COL4A3: variants seen among roughly 807,000 people sequenced by gnomAD.
The protein encoded by COL4A3 is collagen type IV alpha 3 chain.
Under a neutral mutation model 217.4 loss-of-function variants are expected in COL4A3, and 135 were observed. The ratio of observed to expected loss-of-function variants is 0.62; its 90% CI spans 0.54 to 0.72. The LOEUF (loss-of-function observed/expected upper bound fraction) is 0.72, where lower values mean the gene tolerates loss of function less well. COL4A3 is among the 30% of genes least tolerant of loss of function. The pLI is 0.00. For synonymous variants in COL4A3, 690 were observed against 736.3 expected (o/e 0.94, Z 1.02); for missense variants, 1,868 against 2,119.9 (o/e 0.88, Z 2.33).
intron 1 of COL4A3, among the ~76,000 whole-genome samples, chr2:227,202,917 A>G (rs1441576092): frequency 1.0e-4 from 2 of 19,482 alleles, no homozygotes; most frequent in African/African-American, 5.9e-4. Context: ...GTATATATAC[A>G]TATATGTGTA....
chr2:227,219,430 T>C (rs1438054300), intron 1 of COL4A3, among the ~76,000 whole-genome samples: 1 of 152,212 alleles, frequency 6.6e-6, no homozygotes, highest in Non-Finnish European at 1.5e-5. Context: ...GGGTGGGTTG[T>C]TTTTGCAGAG....
At position 227,290,793 on chromosome 2, in the gene COL4A3, A is replaced by T; in HGVS notation, c.3117A>T (p.Gly1039=). The T allele has an allele frequency of 1.9e-6, 3 of 1,613,762 alleles. No homozygotes were observed. The highest frequency in any genetic ancestry group is 2.5e-6 in the Non-Finnish European group (3 of 1,179,966). The part of the protein sequence containing the change: ...RGTLGFPGRA[G]RPGLPGIHGL... The stretch of plus-strand genomic sequence containing the variant: ...CTTTGGGATTCCCAGGTCGAGCAGG[A>T]AGACCAGGCCTCCCAGGTATTCATG... The change falls in exon 37 of 52, where the codon GGA becomes GGT. Residue 1039 remains glycine, a synonymous_variant. Transcript: ENST00000396578.
rs773760137 is a variant in COL4A3, at chr2:227,222,174, T to TAATAATAAA, written c.88-15789_88-15788insTAAAAATAA. On this transcript the variant is annotated intron_variant, in intron 1 of 51. Coordinates refer to ENST00000396578, the MANE Select transcript of COL4A3 (RefSeq NM_000091.5). ...ATAATAATAATAATAATGATAATGA[T>TAATAATAAA]AATAAAAAGCTCCTTAAGCACCCTT... 6.8e-3 allele frequency among the ~76,000 whole-genome samples: 769 copies of TAATAATAAA among 113,130 alleles called. 15 individuals are homozygous for TAATAATAAA. The highest frequency in any genetic ancestry group is 0.015 in the South Asian group (51 of 3,338). 74.2% of individuals were successfully genotyped at this position (113,130 alleles called of 152,430 possible).
chr2:227,289,965 T>A (rs763655022), intron 35 of COL4A3, 34 bp from the exon 36 acceptor site: 1 of 1,588,546 alleles, frequency 6.3e-7, no homozygotes, highest in Admixed American at 1.7e-5. Context: ...GTCCAGGAAC[T>A]GTGCAGGGCA....
intron 3 of COL4A3, among the ~76,000 whole-genome samples, chr2:227,243,859 T>C (rs1383191993): frequency 6.6e-6 from 1 of 152,214 alleles, no homozygotes; most frequent in Non-Finnish European, 1.5e-5. Context: ...GTGTTTCTTG[T>C]GCACAGAAAT....
intron 7 of COL4A3, among the ~76,000 whole-genome samples, chr2:227,247,342 G>A (rs1307574621): frequency 6.6e-6 from 1 of 152,158 alleles, no homozygotes; most frequent in Non-Finnish European, 1.5e-5. Context: ...AGGAATGGGT[G>A]GGAAATGAAC....
At chr2:227,301,695 G>T (rs188399869) in intron 43 of COL4A3, 2 of 152,356 alleles carry the variant, frequency 1.3e-5, no homozygotes, top group East Asian at 1.9e-4. Flanking sequence ...ACAGTTGAAA[G>T]ATATTTCTTG....
chr2:227,246,675 T>A lies in COL4A3; in HGVS notation c.388-10T>A. 1 of 1,607,950 alleles carries A rather than the reference T, an allele frequency of 6.2e-7. No individual in the cohort carries two copies. Among genetic ancestry groups the A allele is most frequent in the Non-Finnish European group, 8.5e-7 (1 of 1,174,650 alleles). On this transcript the variant is annotated splice_polypyrimidine_tract_variant and intron_variant, in intron 6 of 51. Coordinates refer to ENST00000396578, the MANE Select transcript of COL4A3 (RefSeq NM_000091.5). ...ACTAAGAATAATAAGAAACTTTGTA[T>A]GTCTTTTAGGGTGAGCAGGGGTTTC...
At chr2:227,207,205 A>G (rs1261002743) in intron 1 of COL4A3, among the ~76,000 whole-genome samples, 3 of 152,178 alleles carry the variant, frequency 2.0e-5, no homozygotes, top group African/African-American at 7.2e-5. Context: ...AAACTAAGAG[A>G]ACTTATCTGT....
In COL4A3 at chr2:227,256,544, A is replaced by C. The variant is rs191544169; in HGVS notation, c.987+148A>C. On this transcript the variant is annotated intron_variant, in intron 17 of 51. Transcript: ENST00000396578. ...TAGGTCTGTTAAGAAGAAAAGAGAG[A>C]TGTGGCAACTTTACTTAAACATTTG... is the stretch of plus-strand genomic sequence containing the variant. The C allele has an allele frequency of 3.3e-4, 263 of 794,364 alleles. 1 individual carries two copies. The East Asian group carries it at 6.1e-3, about 18-fold the overall frequency. The allele number at this position is 794,364 out of a possible 1,614,324, so 49.2% of individuals were successfully genotyped here. A position where few individuals can be genotyped will look rare whatever the true frequency, so the allele number is the denominator to read the frequency against.
intron 51 of COL4A3, 37 bp downstream of exon 51, chr2:227,310,985 A>C (rs1157282281): frequency 1.2e-6 from 2 of 1,608,348 alleles, no homozygotes; most frequent in African/African-American, 2.7e-5. Flanking sequence ...TGATGACTCA[A>C]TTGCAGAACT....
Position 227,191,849 on chromosome 2 carries a change from T to C in COL4A3, c.87+27036T>C, listed in dbSNP as rs2066256253. On this transcript the variant is annotated intron_variant, in intron 1 of 51. Coordinates refer to ENST00000396578, the MANE Select transcript of COL4A3 (RefSeq NM_000091.5). The surrounding 1 kb of genome is among the most constrained non-coding windows in gnomAD (Gnocchi z 6.8). ...GAAGAACTTAGAATATTACAGATTC[T>C]CTTACAAAACACAAAGACCTTGGAA... 6.6e-6 allele frequency among the ~76,000 whole-genome samples: 1 copy of C among 152,220 alleles called. No homozygotes were observed. The highest frequency in any genetic ancestry group is 2.4e-5 in the African/African-American group (1 of 41,458).
chr2:227,223,560 G>A (rs55812506), intron 1 of COL4A3, among the ~76,000 whole-genome samples: 2 of 151,212 alleles, frequency 1.3e-5, no homozygotes, highest in African/African-American at 2.4e-5. Flanking sequence ...ATGGTGAGAC[G>A]CCCCCCCAAC....
intron 1 of COL4A3, among the ~76,000 whole-genome samples, chr2:227,213,932 G>GA (rs1045507972): frequency 4.3e-4 from 59 of 136,982 alleles, no homozygotes; most frequent in African/African-American, 1.6e-3. Context: ...AAAAGAAAAA[G>GA]AAAAAACACC....
intron 1 of COL4A3, among the ~76,000 whole-genome samples, chr2:227,224,117 T>G (rs2067962337): frequency 6.6e-6 from 1 of 152,166 alleles, no homozygotes. Flanking sequence ...CAAGGGAAAA[T>G]TAGAAGTTCC....
In COL4A3 at chr2:227,266,437, G is replaced by A; in HGVS notation, c.1336G>A (p.Gly446Ser). 1 of 1,613,958 alleles carries A rather than the reference G, an allele frequency of 6.2e-7. No homozygotes were observed. Residue 446 changes from glycine (G) to serine (S), a missense_variant, in exon 22 of 52, where the codon GGT (glycine) becomes AGT (serine). By Grantham distance (56) the Gly-to-Ser change is moderately conservative. Around this residue, in one of 2 missense-constraint regions of COL4A3, gnomAD observed 1,503 missense variants for 1,786.1 expected, o/e 0.84. Transcript: ENST00000396578. ...TATAGGTGACATCGTTTTTCGCAAG[G>A]GTCCACCTGGAGATCACGGACTGCC... ...GPPGDIVFRK[G>S]PPGDHGLPGY...
chr2:227,206,057 G>T (rs72975979), intron 1 of COL4A3, among the ~76,000 whole-genome samples: 6,739 of 151,524 alleles, frequency 0.044, 179 homozygotes, highest in Middle Eastern at 0.072. Context: ...GGGCATTAGG[G>T]TTTTTAAGAG....
chr2:227,289,000 G>C (rs1010139181), intron 34 of COL4A3, 150 bp from the exon 35 acceptor site: 6 of 629,016 alleles, frequency 9.5e-6, no homozygotes, highest in Non-Finnish European at 1.5e-5. Context: ...GCCCACGCTG[G>C]AGTGCAGTGG....
At position 227,280,955 on chromosome 2, in the gene COL4A3, C is replaced by T. The variant is rs2071921324; in HGVS notation, c.2437C>T (p.Pro813Ser). Residue 813 changes from proline (P) to serine (S), a missense_variant, in exon 31 of 52, where the codon CCC (proline) becomes TCC (serine). This residue lies in a region of COL4A3 where 1,503 missense variants were observed against 1,786.1 expected (regional missense o/e 0.84). Transcript: ENST00000396578. ...QGPPGRCIEG[P>S]RGAQGLPGLN... ...ACCCCCAGGAAGGTGCATAGAGGGT[C>T]CCAGGGGAGCCCAAGGACTTCCAGG... 3.2e-6 allele frequency: 5 copies of T among 1,567,808 alleles called. No homozygotes were observed. Among genetic ancestry groups the T allele is most frequent in the Non-Finnish European group, 4.3e-6 (5 of 1,155,764 alleles).
Sources: allele counts gnomAD v4.1 joint callset (sites outside exome capture counted in the v4.1 genomes callset), GRCh38; gene constraint gnomAD v4.1.1; regional missense constraint gnomAD v4.1.1; non-coding constraint Gnocchi (gnomAD v3.1); transcripts MANE v1.5; gene names NCBI Gene and HGNC (gene_info 2026-07-23, HGNC 2026-07-21).